Variants in PTPRD observed in about 807,000 individuals in gnomAD.
PTPRD encodes the protein receptor-type tyrosine-protein phosphatase delta.
PTPRD carries 34 observed loss-of-function variants against 214.5 expected under a neutral mutation model. The observed-to-expected ratio is 0.16, with a 90% confidence interval of 0.12 to 0.21. PTPRD has a LOEUF of 0.21. Ranked by LOEUF, PTPRD falls within the 10% of genes least tolerant of loss-of-function variation. The pLI, the probability that PTPRD is intolerant of heterozygous loss-of-function variation, is 1.00. For synonymous variants in PTPRD, 1,128 were observed against 845.7 expected, an observed-to-expected ratio of 1.33 and a Z score of -5.79; for missense variants, 2,545 against 2,398.7, an observed-to-expected ratio of 1.06 and a Z score of -1.27.
chr9:8,646,318 T>C (rs2096689636), intron 12 of PTPRD, among the ~76,000 whole-genome samples: 1 of 152,236 alleles, frequency 6.6e-6, no homozygotes, highest in African/African-American at 2.4e-5. Flanking sequence ...CTTTGAGTTT[T>C]GTTTTCTAAC....
rs1283255094 is a variant in PTPRD, at chr9:10,238,913, G to C, written c.-545+102050C>G. On this transcript the variant is annotated intron_variant, in intron 3 of 45. Transcript: ENST00000381196. ...GAAAACCTGGGAGGCAGTATGTTTT[G>C]TTTGTCAGATCGATTTATGACAACA... is the stretch of plus-strand genomic sequence containing the variant. 3.3e-5 allele frequency among the ~76,000 whole-genome samples: 5 copies of C among 151,976 alleles called. No individual in the cohort carries two copies. The South Asian group carries it at 1.0e-3, about 32-fold the overall frequency.
chr9:9,781,621 C>T (rs2098843388), intron 5 of PTPRD, among the ~76,000 whole-genome samples: 1 of 152,152 alleles, frequency 6.6e-6, no homozygotes, highest in Non-Finnish European at 1.5e-5. Context: ...AGGTGCTCAA[C>T]AAGTGTTTCC....
chr9:9,779,991 G>A (rs1034186368), intron 5 of PTPRD, among the ~76,000 whole-genome samples: 9 of 152,154 alleles, frequency 5.9e-5, no homozygotes, highest in African/African-American at 2.2e-4. Flanking sequence ...TCATAGCGAA[G>A]ACGACATGGA....
intron 2 of PTPRD, among the ~76,000 whole-genome samples, chr9:10,509,259 C>G (rs78356914): frequency 6.6e-6 from 1 of 151,722 alleles, no homozygotes; most frequent in Non-Finnish European, 1.5e-5. Context: ...CTCATTCATC[C>G]TTCAGTTTTA....
intron 10 of PTPRD, among the ~76,000 whole-genome samples, chr9:9,101,101 CAG>C (rs71317400): frequency 4.7e-5 from 7 of 150,432 alleles, no homozygotes; most frequent in Admixed American, 1.3e-4. Context: ...CAATGTAAAA[CAG>C]AGAGAGAGAG....
chr9:10,568,369 T>A (rs549755721), intron 2 of PTPRD, among the ~76,000 whole-genome samples: 81 of 152,188 alleles, frequency 5.3e-4, no homozygotes, highest in Non-Finnish European at 8.5e-4. Context: ...TCTATCATTG[T>A]TGGACATTTG....
chr9:9,580,180 G>T (rs1387469179), intron 7 of PTPRD, among the ~76,000 whole-genome samples: 3 of 152,088 alleles, frequency 2.0e-5, no homozygotes, highest in African/African-American at 7.2e-5. Context: ...TATGAGTACA[G>T]GTATCTTTTT....
At chr9:8,957,128 C>A (rs1317794788) in intron 11 of PTPRD, among the ~76,000 whole-genome samples, 1 of 151,948 alleles carries the variant, frequency 6.6e-6, no homozygotes, top group South Asian at 2.1e-4. Context: ...TGCACTATGA[C>A]AATAGATGAA....
intron 3 of PTPRD, among the ~76,000 whole-genome samples, chr9:10,198,012 ATAATT>A (rs1012703824): frequency 3.3e-5 from 5 of 152,138 alleles, no homozygotes; most frequent in African/African-American, 1.2e-4. Flanking sequence ...CAACCTAGAG[ATAATT>A]TAATCTTTTA....
chr9:9,021,154 T>C (rs1024420040), intron 10 of PTPRD, among the ~76,000 whole-genome samples: 29 of 152,164 alleles, frequency 1.9e-4, no homozygotes, highest in African/African-American at 7.0e-4. Context: ...AATAAACATA[T>C]CTTTTGTTAC....
intron 7 of PTPRD, among the ~76,000 whole-genome samples, chr9:9,693,533 T>C (rs896282228): frequency 4.7e-4 from 71 of 152,134 alleles, no homozygotes; most frequent in African/African-American, 1.7e-3. Flanking sequence ...TTTATAGCCG[T>C]GTGAAAATGG....
intron 5 of PTPRD, among the ~76,000 whole-genome samples, chr9:9,788,218 A>T (rs574964967): frequency 6.6e-6 from 1 of 152,090 alleles, no homozygotes; most frequent in South Asian, 2.1e-4. Flanking sequence ...CTCCTAGTCA[A>T]ATTTTCTTTC....
intron 10 of PTPRD, among the ~76,000 whole-genome samples, chr9:9,139,092 GC>G (rs895945128): frequency 8.0e-4 from 122 of 151,680 alleles, no homozygotes; most frequent in African/African-American, 2.0e-3. Context: ...CTATGCAGGA[GC>G]CCCCCTCCCC....
At chr9:9,357,596 G>T (rs2054298175) in intron 9 of PTPRD, among the ~76,000 whole-genome samples, 1 of 151,166 alleles carries the variant, frequency 6.6e-6, no homozygotes, top group East Asian at 2.0e-4. Context: ...AGAGAGCAGT[G>T]TGAGGTAGCA....
At chr9:9,494,028 G>A (rs2096056147) in intron 8 of PTPRD, among the ~76,000 whole-genome samples, 2 of 152,120 alleles carry the variant, frequency 1.3e-5, no homozygotes, top group African/African-American at 4.8e-5. Context: ...GAATGGCTAT[G>A]AGGGGATGAA....
chr9:8,570,929 A>G (rs1313857202), intron 14 of PTPRD, among the ~76,000 whole-genome samples: 1 of 151,942 alleles, frequency 6.6e-6, no homozygotes. Context: ...TACAAGGTAC[A>G]GACCAGGCAG....
rs36007156 is a variant in PTPRD, at chr9:8,581,913, C to CAAAAAAA, written c.352+51397_352+51403dup. On this transcript the variant is annotated intron_variant, in intron 14 of 45. Coordinates refer to ENST00000381196, the MANE Select transcript of PTPRD (RefSeq NM_002839.4). ...GGATGACAGAGCATGACTCAATCTC[C>CAAAAAAA]AAAAAAAAAAAAAAAAAAAAAAAAA... Among the ~76,000 whole-genome samples, 114 of 34,948 alleles carry CAAAAAAA rather than the reference C, an allele frequency of 3.3e-3. 5 individuals carry two copies. Among genetic ancestry groups the CAAAAAAA allele is most frequent in the African/African-American group, 9.0e-3 (109 of 12,174 alleles). 22.9% of individuals were successfully genotyped at this position (34,948 alleles called of 152,430 possible).
chr9:10,430,637 C>T (rs186398588), intron 2 of PTPRD, among the ~76,000 whole-genome samples: 11 of 151,824 alleles, frequency 7.2e-5, no homozygotes, highest in Admixed American at 3.9e-4. Context: ...CAAATACCTC[C>T]GTCAGAATAA....
chr9:8,956,802 A>G (rs893769113), intron 11 of PTPRD, among the ~76,000 whole-genome samples: 2 of 151,860 alleles, frequency 1.3e-5, no homozygotes, highest in African/African-American at 4.8e-5. Context: ...TGAACCCACC[A>G]TCATCTATCT....
Sources: allele counts gnomAD v4.1 joint callset (sites outside exome capture counted in the v4.1 genomes callset), GRCh38; gene constraint gnomAD v4.1.1; transcripts MANE v1.5; gene names NCBI Gene and HGNC (gene_info 2026-07-23, HGNC 2026-07-21).